The following PARD3 variants were observed in gnomAD, a reference collection of about 807,000 sequenced individuals.
The protein encoded by PARD3 is partitioning defective 3 homolog.
Under a neutral mutation model 155.4 loss-of-function variants are expected in PARD3, and 75 were observed. That is an observed-to-expected ratio of 0.48 (90% CI 0.40 to 0.58). PARD3 has a LOEUF of 0.58. PARD3 is among the 20% of genes least tolerant of loss of function. PARD3 has a pLI of 0.00. For missense variants in PARD3, 1,642 were observed against 1,721.7 expected (o/e 0.95, Z 0.82); for synonymous variants, 576 against 610.5 (o/e 0.94, Z 0.83).
At chr10:34,785,975 A>AAG (rs1275016424) in intron 1 of PARD3, among the ~76,000 whole-genome samples, 1 of 152,192 alleles carries the variant, frequency 6.6e-6, no homozygotes, top group Non-Finnish European at 1.5e-5. Context: ...GTGACAGAGT[A>AAG]AGACCCTGTC....
In PARD3 at chr10:34,605,570, ATATATCTCC is replaced by A. The variant is rs1436852963; in HGVS notation, c.223-88420_223-88412del. 5.6e-4 allele frequency among the ~76,000 whole-genome samples: 31 copies of A among 54,906 alleles called. 5 individuals are homozygous for A. Among genetic ancestry groups the A allele is most frequent in the African/African-American group, 3.9e-3 (21 of 5,350 alleles). 36.0% of individuals were successfully genotyped at this position (54,906 alleles called of 152,430 possible). A position where few individuals can be genotyped will look rare whatever the true frequency, so the allele number is the denominator to read the frequency against. On this transcript the variant is annotated intron_variant, in intron 2 of 24. Coordinates refer to ENST00000374788, the MANE Select transcript of PARD3 (RefSeq NM_001184785.2). ...ATATATATATATCTCCTATATATATATATATCTCCTATATATATCTCCTATATATATATA... is the reference window on the plus strand; with the variant it reads ...ATATATATATATCTCCTATATATATATATATATATCTCCTATATATATATA...
chr10:34,793,869 A>G (rs1397815354), intron 1 of PARD3, among the ~76,000 whole-genome samples: 4 of 152,176 alleles, frequency 2.6e-5, no homozygotes, highest in Non-Finnish European at 5.9e-5. Context: ...GAGATAATCC[A>G]TAACAAATGG....
chr10:34,753,684 T>C (rs1800129931), intron 1 of PARD3, among the ~76,000 whole-genome samples: 1 of 152,216 alleles, frequency 6.6e-6, no homozygotes, highest in Non-Finnish European at 1.5e-5. Flanking sequence ...ATTCTGGACA[T>C]GCATATGTTT....
At position 34,437,675 on chromosome 10, in the gene PARD3, T is replaced by C. The variant is rs1035930780; in HGVS notation, c.714+12642A>G. Among the ~76,000 whole-genome samples the C allele has an allele frequency of 2.6e-5, 4 of 152,060 alleles. No individual in the cohort carries two copies. In the East Asian group the frequency reaches 7.7e-4, roughly 29 times the overall value. ...CCCCTGGACTCTCTAAAGAAAAAAA[T>C]TTTAAACAGCTAAAATCAGCTCGCA... On this transcript the variant is annotated intron_variant, in intron 5 of 24. Coordinates refer to ENST00000374788, the MANE Select transcript of PARD3 (RefSeq NM_001184785.2).
At chr10:34,423,050 G>GT (rs893469284) in intron 5 of PARD3, among the ~76,000 whole-genome samples, 2 of 152,106 alleles carry the variant, frequency 1.3e-5, no homozygotes, top group Non-Finnish European at 2.9e-5. Context: ...TTTATCAACA[G>GT]TGTTTATCAA....
intron 21 of PARD3, among the ~76,000 whole-genome samples, chr10:34,273,426 A>G (rs1463286649): frequency 6.6e-6 from 1 of 152,212 alleles, no homozygotes; most frequent in Non-Finnish European, 1.5e-5. Flanking sequence ...CTTATATAGC[A>G]TTCTCAAAAT....
intron 1 of PARD3, among the ~76,000 whole-genome samples, chr10:34,737,802 T>C (rs1564564960): frequency 3.3e-5 from 5 of 152,210 alleles, no homozygotes; most frequent in Admixed American, 2.6e-4. Context: ...AGGTATTTTC[T>C]TATAGCAACA....
At chr10:34,414,965 G>A (rs886805749) in intron 5 of PARD3, among the ~76,000 whole-genome samples, 9 of 152,098 alleles carry the variant, frequency 5.9e-5, no homozygotes, top group African/African-American at 1.9e-4. Context: ...CAGACAAGCA[G>A]ATGCAGACAT....
chr10:34,713,681 G>A (rs181595234), intron 1 of PARD3, among the ~76,000 whole-genome samples: 3 of 152,160 alleles, frequency 2.0e-5, no homozygotes, highest in African/African-American at 4.8e-5. Flanking sequence ...TAGGAGGATC[G>A]CTTGAGCCCA....
chr10:34,449,696 T>C (rs1240566308), intron 5 of PARD3, among the ~76,000 whole-genome samples: 3 of 152,026 alleles, frequency 2.0e-5, no homozygotes, highest in African/African-American at 4.8e-5. Context: ...ACTTTGTAAA[T>C]AGTCATTCTT....
chr10:34,759,257 G>A (rs891903834), intron 1 of PARD3, among the ~76,000 whole-genome samples: 2 of 151,732 alleles, frequency 1.3e-5, no homozygotes, highest in East Asian at 1.9e-4. Flanking sequence ...GGTATGCAAC[G>A]GATTTTATTC....
At chr10:34,391,956 G>C (rs1842905565) in intron 7 of PARD3, among the ~76,000 whole-genome samples, 2 of 152,160 alleles carry the variant, frequency 1.3e-5, no homozygotes, top group Admixed American at 1.3e-4. Context: ...AGGAGTTCCA[G>C]ATCAGCCTAG....
intron 2 of PARD3, among the ~76,000 whole-genome samples, chr10:34,579,569 T>TGTGTGTGC (rs1240350648): frequency 9.5e-5 from 13 of 136,868 alleles, no homozygotes; most frequent in Non-Finnish European, 1.8e-4. Flanking sequence ...TGTGTGTGTG[T>TGTGTGTGC]GTGTGTGTGT....
chr10:34,672,460 T>C (rs190830330), intron 2 of PARD3, among the ~76,000 whole-genome samples: 97 of 152,338 alleles, frequency 6.4e-4, no homozygotes, highest in Non-Finnish European at 1.1e-3. Flanking sequence ...ATCATGTAAC[T>C]AACAGTTCTC....
intron 11 of PARD3, among the ~76,000 whole-genome samples, chr10:34,374,505 T>C (rs925708899): frequency 2.0e-5 from 3 of 152,144 alleles, no homozygotes; most frequent in Admixed American, 2.0e-4. Flanking sequence ...ATATGAAAAT[T>C]TGTCATATGC....
At chr10:34,315,713 CAGTT>C (rs1957966003) in intron 20 of PARD3, among the ~76,000 whole-genome samples, 1 of 152,140 alleles carries the variant, frequency 6.6e-6, no homozygotes, top group Non-Finnish European at 1.5e-5. Flanking sequence ...AATAAAGTGG[CAGTT>C]AGAGCAATTT....
chr10:34,437,861 AG>A (rs2076266253), intron 5 of PARD3, among the ~76,000 whole-genome samples: 1 of 152,214 alleles, frequency 6.6e-6, no homozygotes, highest in Non-Finnish European at 1.5e-5. Context: ...AAACATGAAG[AG>A]TTATTTAATA....
At chr10:34,772,342 C>G (rs1019334864) in intron 1 of PARD3, among the ~76,000 whole-genome samples, 6 of 150,372 alleles carry the variant, frequency 4.0e-5, no homozygotes. Flanking sequence ...ATCTCAAAAA[C>G]AAATAAAAAA....
At chr10:34,712,819 T>C (rs529904470) in intron 1 of PARD3, among the ~76,000 whole-genome samples, 26 of 152,098 alleles carry the variant, frequency 1.7e-4, no homozygotes, top group Admixed American at 3.3e-4. Flanking sequence ...TTGGGTACTA[T>C]GCTCACTACC....
Sources: allele counts gnomAD v4.1 joint callset (sites outside exome capture counted in the v4.1 genomes callset), GRCh38; gene constraint gnomAD v4.1.1; transcripts MANE v1.5; gene names NCBI Gene and HGNC (gene_info 2026-07-23, HGNC 2026-07-21).